The following GRM7 variants were observed in gnomAD, a reference collection of about 807,000 sequenced individuals.
GRM7 encodes the protein glutamate metabotropic receptor 7, also known as metabotropic glutamate receptor 7.
GRM7 carries 35 observed loss-of-function variants against 84.5 expected under a neutral mutation model. The observed-to-expected ratio is 0.41, with a 90% CI of 0.32 to 0.55. The LOEUF (loss-of-function observed/expected upper bound fraction) is 0.55, where lower values mean the gene tolerates loss of function less well. Ranked by LOEUF, GRM7 falls within the 20% of genes least tolerant of loss-of-function variation. The probability of loss-of-function intolerance (pLI) is 0.19; values close to 1 mark genes in which losing one functional copy is unlikely to be tolerated. For missense variants in GRM7, 1,003 were observed against 1,194.6 expected (o/e 0.84, Z 2.36); for synonymous variants, 487 against 455.1 (o/e 1.07, Z -0.89).
At chr3:7,056,646 T>C (rs1361505948) in intron 1 of GRM7, among the ~76,000 whole-genome samples, 2 of 151,932 alleles carry the variant, frequency 1.3e-5, no homozygotes, top group Non-Finnish European at 2.9e-5. Flanking sequence ...ACTACTCATT[T>C]CTCTGAGATC....
chr3:7,732,203 GTCTT>G (rs892415998), intron 9 of GRM7, among the ~76,000 whole-genome samples: 180 of 152,236 alleles, frequency 1.2e-3, no homozygotes, highest in African/African-American at 4.3e-3. Context: ...CAATGCTGTG[GTCTT>G]TCTTTATGCA....
intron 4 of GRM7, among the ~76,000 whole-genome samples, chr3:7,340,439 C>A (rs922064788): frequency 2.0e-5 from 3 of 151,986 alleles, no homozygotes; most frequent in African/African-American, 7.2e-5. Flanking sequence ...GAGAGGAGAG[C>A]CCCTTATAAA....
At chr3:7,066,877 T>A (rs183146390) in intron 1 of GRM7, among the ~76,000 whole-genome samples, 1 of 151,960 alleles carries the variant, frequency 6.6e-6, no homozygotes, top group Admixed American at 6.6e-5. Context: ...CATACGCAAG[T>A]CAGTAAATAT....
intron 7 of GRM7, among the ~76,000 whole-genome samples, chr3:7,572,653 AC>A (rs1459951836): frequency 3.3e-5 from 5 of 150,600 alleles, no homozygotes; most frequent in Admixed American, 2.7e-4. Context: ...CCCCATCTCT[AC>A]AAAAAAAATA....
intron 1 of GRM7, among the ~76,000 whole-genome samples, chr3:6,973,587 C>T (rs1199623668): frequency 3.9e-5 from 6 of 152,116 alleles, no homozygotes; most frequent in African/African-American, 1.4e-4. Flanking sequence ...ATGTGGGTTT[C>T]ATGACCAAGG....
intron 5 of GRM7, among the ~76,000 whole-genome samples, chr3:7,445,414 G>A (rs1697464120): frequency 6.6e-6 from 1 of 152,128 alleles, no homozygotes; most frequent in South Asian, 2.1e-4. Flanking sequence ...TGTGCTGTGA[G>A]GGTTAAAAAG....
intron 8 of GRM7, among the ~76,000 whole-genome samples, chr3:7,638,054 T>C (rs1698183528): frequency 6.6e-6 from 1 of 152,172 alleles, no homozygotes; most frequent in East Asian, 1.9e-4. Context: ...AGACACCAGA[T>C]AAGAATCCAG....
At chr3:7,372,462 T>A (rs1224105170) in intron 4 of GRM7, among the ~76,000 whole-genome samples, 1 of 152,118 alleles carries the variant, frequency 6.6e-6, no homozygotes, top group Non-Finnish European at 1.5e-5. Context: ...TAGAGGGCAG[T>A]CTGTATGCAT....
chr3:7,617,238 A>G (rs1697131390), intron 8 of GRM7, among the ~76,000 whole-genome samples: 1 of 152,140 alleles, frequency 6.6e-6, no homozygotes, highest in African/African-American at 2.4e-5. Flanking sequence ...GGTTAACGGG[A>G]CAGAATATAT....
intron 1 of GRM7, among the ~76,000 whole-genome samples, chr3:6,952,212 G>A (rs1250247973): frequency 6.6e-6 from 1 of 152,092 alleles, no homozygotes; most frequent in Non-Finnish European, 1.5e-5. Flanking sequence ...TTAGTCTAAG[G>A]TTATTCCCTA....
intron 4 of GRM7, among the ~76,000 whole-genome samples, chr3:7,364,220 T>C (rs1162749585): frequency 1.3e-5 from 2 of 151,964 alleles, no homozygotes; most frequent in Non-Finnish European, 2.9e-5. Flanking sequence ...ACATTCAGAA[T>C]TGGTATCTTT....
chr3:7,634,907 A>T, intron 8 of GRM7, among the ~76,000 whole-genome samples: 1 of 152,228 alleles, frequency 6.6e-6, no homozygotes, highest in East Asian at 1.9e-4. Flanking sequence ...GAAGATATAA[A>T]GGCTTTCTCA....
chr3:7,587,964 A>G (rs1304910283), intron 8 of GRM7, among the ~76,000 whole-genome samples: 2 of 152,040 alleles, frequency 1.3e-5, no homozygotes, highest in Non-Finnish European at 2.9e-5. Context: ...TTCTCCTCCC[A>G]TCTCTGCTTC....
chr3:7,653,180 CTTTTTTTTT>C (rs1218949173), intron 8 of GRM7, among the ~76,000 whole-genome samples: 7 of 89,518 alleles, frequency 7.8e-5, no homozygotes, highest in South Asian at 4.3e-4. Context: ...ATACTATATC[CTTTTTTTTT>C]TTTTTTTTTT....
intron 1 of GRM7, among the ~76,000 whole-genome samples, chr3:6,895,823 G>T (rs1696158571): frequency 6.6e-6 from 1 of 152,018 alleles, no homozygotes; most frequent in South Asian, 2.1e-4. Flanking sequence ...TACAACAACT[G>T]AATGGAAATG....
chr3:7,052,156 T>TTGTATTGGAACACTTGTTGTTG (rs1469197620), intron 1 of GRM7, among the ~76,000 whole-genome samples: 1 of 151,766 alleles, frequency 6.6e-6, no homozygotes, highest in Non-Finnish European at 1.5e-5. Context: ...TTGTTTGGAC[T>TTGTATTGGAACACTTGTTGTTG]GAAAATGTAT....
chr3:7,490,510 C>A (rs1290141575), intron 7 of GRM7, among the ~76,000 whole-genome samples: 4 of 152,142 alleles, frequency 2.6e-5, no homozygotes, highest in Non-Finnish European at 5.9e-5. Flanking sequence ...AATGGTTGCA[C>A]TTGTGTTAGC....
Position 7,727,902 on chromosome 3 carries a change from C to G in GRM7, c.2699-12455C>G, listed in dbSNP as rs145383956. ...CATTCTAGCCATCTTTAATCCTAGA[C>G]AGAGCTGCAGCTCTGCGATTCTGTC... On this transcript the variant is annotated intron_variant, in intron 9 of 9. Coordinates refer to ENST00000357716, the MANE Select transcript of GRM7 (RefSeq NM_000844.4). Among the ~76,000 whole-genome samples, 881 of 152,310 alleles carry G rather than the reference C, an allele frequency of 5.8e-3. 10 individuals carry two copies. Among genetic ancestry groups the G allele is most frequent in the Middle Eastern group, 0.024 (7 of 294 alleles).
At chr3:7,683,722 G>A (rs1409652865) in intron 9 of GRM7, among the ~76,000 whole-genome samples, 1 of 152,220 alleles carries the variant, frequency 6.6e-6, no homozygotes, top group Non-Finnish European at 1.5e-5. Flanking sequence ...CTACTCAACT[G>A]AAGAAATACA....
Sources: allele counts gnomAD v4.1 joint callset (sites outside exome capture counted in the v4.1 genomes callset), GRCh38; gene constraint gnomAD v4.1.1; transcripts MANE v1.5; gene names NCBI Gene and HGNC (gene_info 2026-07-23, HGNC 2026-07-21).